Variants in VPS41 observed in about 807,000 individuals in gnomAD.
VPS41 encodes the protein vacuolar protein sorting-associated protein 41 homolog.
VPS41 carries 85 observed loss-of-function variants against 130.9 expected under a neutral mutation model. The ratio of observed to expected loss-of-function variants is 0.65; its 90% CI spans 0.55 to 0.78. The LOEUF (loss-of-function observed/expected upper bound fraction) is 0.78. Among genes scored for constraint, VPS41 ranks in the 30% least tolerant of loss-of-function variants. The pLI is 0.00. For synonymous variants in VPS41, 335 were observed against 332.9 expected (o/e 1.01, Z -0.07); for missense variants, 874 against 1,018.7 (o/e 0.86, Z 1.93).
intron 18 of VPS41, 56 bp downstream of exon 18, chr7:38,758,298 T>G: frequency 6.6e-7 from 1 of 1,523,144 alleles, no homozygotes; most frequent in South Asian, 1.3e-5. Flanking sequence ...ATCTAAAGTA[T>G]GAAAAACTTT....
intron 10 of VPS41, among the ~76,000 whole-genome samples, chr7:38,779,375 T>C (rs1445506542): frequency 6.6e-6 from 1 of 152,198 alleles, no homozygotes; most frequent in African/African-American, 2.4e-5. Context: ...AAAAATCTCT[T>C]ATAGAAAACA....
intron 28 of VPS41, 89 bp from the exon 29 acceptor site, chr7:38,726,415 G>A (rs762242289): frequency 1.6e-5 from 16 of 974,274 alleles, no homozygotes; most frequent in Non-Finnish European, 2.5e-5. Flanking sequence ...CGTTAGTCAG[G>A]GGGTGGAGAG....
At chr7:38,838,551 T>C (rs1268190154) in intron 4 of VPS41, among the ~76,000 whole-genome samples, 1 of 152,160 alleles carries the variant, frequency 6.6e-6, no homozygotes, top group African/African-American at 2.4e-5. Context: ...CTGGACAATA[T>C]AAGTGAGTTT....
intron 4 of VPS41, among the ~76,000 whole-genome samples, chr7:38,853,114 T>C (rs1347503368): frequency 6.6e-6 from 1 of 152,128 alleles, no homozygotes; most frequent in Non-Finnish European, 1.5e-5. Context: ...CCTTTGGTGA[T>C]TCCCTGTTTC....
intron 25 of VPS41, among the ~76,000 whole-genome samples, chr7:38,738,261 G>C (rs980310382): frequency 2.6e-5 from 4 of 152,182 alleles, no homozygotes; most frequent in African/African-American, 9.6e-5. Flanking sequence ...GGCTGTAAAA[G>C]GTAATGTAGT....
At chr7:38,817,927 A>G (rs1785091350) in intron 6 of VPS41, 45 bp from the exon 7 acceptor site, 2 of 1,478,714 alleles carry the variant, frequency 1.4e-6, no homozygotes, top group Admixed American at 3.3e-5. Flanking sequence ...AGTCATGGCC[A>G]ATGCACAGAA....
Position 38,737,517 on chromosome 7 carries a change from G to T in VPS41, c.2259+4468C>A, listed in dbSNP as rs10251912. On this transcript the variant is annotated intron_variant, in intron 25 of 28. Transcript: ENST00000310301. ...AACTTAAAACTGCCAAATTGTAGGAGGCAGAGCAGCACCAAGTGCACAGGC... is the reference window on the plus strand; with the variant it reads ...AACTTAAAACTGCCAAATTGTAGGATGCAGAGCAGCACCAAGTGCACAGGC... Among the ~76,000 whole-genome samples, 273 of 152,118 alleles carry T rather than the reference G, an allele frequency of 1.8e-3. 1 individual carries two copies. Among genetic ancestry groups the T allele is most frequent in the African/African-American group, 6.1e-3 (252 of 41,456 alleles).
chr7:38,760,074 G>A lies in VPS41; in HGVS notation c.1423-1593C>T, dbSNP rs536443334. 2.0e-5 allele frequency among the ~76,000 whole-genome samples: 3 copies of A among 152,166 alleles called. No homozygotes were observed. The East Asian group carries it at 5.8e-4, about 29-fold the overall frequency. ...TAGATCTCAAATTTTGTGGTTCCCC[G>A]ATTTGATCCTGTTTCCGTCCCACAG... On this transcript the variant is annotated intron_variant, in intron 17 of 28. Coordinates refer to ENST00000310301, the MANE Select transcript of VPS41 (RefSeq NM_014396.4).
chr7:38,849,248 C>T (rs1368998400), intron 4 of VPS41, among the ~76,000 whole-genome samples: 4 of 152,140 alleles, frequency 2.6e-5, no homozygotes, highest in Non-Finnish European at 4.4e-5. Context: ...TGTGGTGCTC[C>T]TGACCCCACG....
At chr7:38,908,760 C>T (rs1787323153) in intron 1 of VPS41, among the ~76,000 whole-genome samples, 1 of 152,254 alleles carries the variant, frequency 6.6e-6, no homozygotes, top group Non-Finnish European at 1.5e-5. Context: ...CGTCTACTCT[C>T]TCCTAGTTCT....
At chr7:38,858,360 T>C (rs1384508484) in intron 4 of VPS41, among the ~76,000 whole-genome samples, 1 of 152,342 alleles carries the variant, frequency 6.6e-6, no homozygotes, top group Non-Finnish European at 1.5e-5. Context: ...GAGTCTGTTT[T>C]GTCAGTCTTA....
chr7:38,753,321 T>C (rs1167738459), intron 21 of VPS41, among the ~76,000 whole-genome samples: 2 of 152,070 alleles, frequency 1.3e-5, no homozygotes, highest in Non-Finnish European at 2.9e-5. Context: ...CGCCTAACCA[T>C]GGACACATGC....
chr7:38,821,364 T>C (rs1785168245), intron 5 of VPS41, 99 bp from the exon 6 acceptor site: 1 of 829,394 alleles, frequency 1.2e-6, no homozygotes, highest in Non-Finnish European at 2.0e-6. Context: ...AGTAGAATAT[T>C]TAATAATTTT....
At chr7:38,869,350 T>C in intron 2 of VPS41, 97 bp from the exon 3 acceptor site, 5 of 750,594 alleles carry the variant, frequency 6.7e-6, no homozygotes, top group African/African-American at 1.7e-5. Flanking sequence ...AGATGGTTCC[T>C]TCAATGATGT....
intron 12 of VPS41, among the ~76,000 whole-genome samples, chr7:38,772,907 T>G (rs765534389): frequency 6.6e-6 from 1 of 151,416 alleles, no homozygotes; most frequent in Non-Finnish European, 1.5e-5. Flanking sequence ...AGGGAGGGAA[T>G]GACATACTAA....
chr7:38,909,107 C>G (rs1352888144), intron 1 of VPS41, 47 bp downstream of exon 1: 1 of 1,613,404 alleles, frequency 6.2e-7, no homozygotes, highest in Non-Finnish European at 8.5e-7. Context: ...ACAGCCCACC[C>G]TAGTCTCTAT....
chr7:38,904,233 A>G (rs951057655), intron 1 of VPS41, among the ~76,000 whole-genome samples: 1 of 152,332 alleles, frequency 6.6e-6, no homozygotes, highest in Middle Eastern at 3.4e-3. Flanking sequence ...CCTCTCTCCA[A>G]GGTGTTAATG....
At chr7:38,868,762 A>G (rs1786282729) in intron 3 of VPS41, among the ~76,000 whole-genome samples, 1 of 152,120 alleles carries the variant, frequency 6.6e-6, no homozygotes, top group African/African-American at 2.4e-5. Context: ...TAACTTAATA[A>G]AAGAATAACT....
intron 7 of VPS41, among the ~76,000 whole-genome samples, chr7:38,805,686 C>T (rs140992898): frequency 3.2e-4 from 48 of 152,118 alleles, no homozygotes; most frequent in Non-Finnish European, 6.0e-4. Context: ...ATTAACTGGA[C>T]ACACTGGTCA....
Sources: allele counts gnomAD v4.1 joint callset (sites outside exome capture counted in the v4.1 genomes callset), GRCh38; gene constraint gnomAD v4.1.1; transcripts MANE v1.5; gene names NCBI Gene and HGNC (gene_info 2026-07-23, HGNC 2026-07-21).